KIF20B: variants seen among roughly 807,000 people sequenced by gnomAD.
KIF20B encodes kinesin family member 20B.
Under a neutral mutation model 232.5 loss-of-function variants are expected in KIF20B, and 188 were observed. The observed-to-expected ratio is 0.81, with a 90% CI of 0.72 to 0.91. The LOEUF (loss-of-function observed/expected upper bound fraction) is 0.91, where lower values mean the gene tolerates loss of function less well. KIF20B is among the 40% of genes least tolerant of loss of function. The pLI, the probability that KIF20B is intolerant of heterozygous loss-of-function variation, is 0.00. For missense variants in KIF20B, 2,154 were observed against 2,055.9 expected (o/e 1.05, Z -0.92); for synonymous variants, 712 against 683.0 (o/e 1.04, Z -0.66).
At chr10:89,767,948 A>C (rs1842396413) in intron 29 of KIF20B, among the ~76,000 whole-genome samples, 1 of 151,980 alleles carries the variant, frequency 6.6e-6, no homozygotes, top group African/African-American at 2.4e-5. Flanking sequence ...GATATGTTTG[A>C]AAAATTCACA....
chr10:89,709,370 A>C lies in KIF20B; in HGVS notation c.260A>C (p.Gln87Pro). 6.2e-7 allele frequency: 1 copy of C among 1,613,430 alleles called. No homozygotes were observed. The highest frequency in any genetic ancestry group is 8.5e-7 in the Non-Finnish European group (1 of 1,179,634). The change falls in exon 4 of 33, where the codon CAG becomes CCG. Residue 87 changes from glutamine to proline, a missense_variant. Physicochemically the swap from Gln to Pro is moderately conservative, Grantham distance 76. Coordinates refer to ENST00000371728, the MANE Select transcript of KIF20B (RefSeq NM_001284259.2). ...GGCTGTGTGCATATTCTGGATTCAC[A>C]GACTGTTGTGCTGAAAGAGCCTCAA... is the stretch of plus-strand genomic sequence containing the variant. Reference protein sequence around the residue: ...SEGCVHILDSQTVVLKEPQCI... With the variant: ...SEGCVHILDSPTVVLKEPQCI...
In KIF20B at chr10:89,745,884, T is replaced by C. The variant is rs1482317112; in HGVS notation, c.4036-15T>C. The C allele has an allele frequency of 6.5e-7, 1 of 1,532,418 alleles. No homozygotes were observed. The highest frequency in any genetic ancestry group is 1.4e-5 in the African/African-American group (1 of 73,310). 94.9% of individuals were successfully genotyped at this position (1,532,418 alleles called of 1,614,324 possible). On this transcript the variant is annotated splice_polypyrimidine_tract_variant and intron_variant, in intron 22 of 32. Transcript: ENST00000371728. ...AAGTTAATTTGCAATTAATTTATAT[T>C]CTTTCAATTTGTAGGAGCAGTTAAA...
At chr10:89,728,723 C>A (rs2133112927) in intron 17 of KIF20B, among the ~76,000 whole-genome samples, 1 of 151,952 alleles carries the variant, frequency 6.6e-6, no homozygotes, top group South Asian at 2.1e-4. Context: ...AGGCTGGTCT[C>A]AAACTCCTGA....
rs563803767 is a variant in KIF20B at position 89,774,792 on chromosome 10, G to C, written c.*744G>C. On this transcript the variant is annotated 3_prime_UTR_variant, in exon 33 of 33. Coordinates refer to ENST00000371728, the MANE Select transcript of KIF20B (RefSeq NM_001284259.2). ...GTAGATCATTCTTTTTATCTTATTT[G>C]TTTTTGTACCCATTAACCATCCCCA... 1 of 151,788 alleles carries C rather than the reference G, an allele frequency of 6.6e-6. No homozygotes were observed. Among genetic ancestry groups the C allele is most frequent in the Non-Finnish European group, 1.5e-5 (1 of 67,758 alleles). 9.4% of individuals were successfully genotyped at this position (151,788 alleles called of 1,614,324 possible).
chr10:89,739,584 T>C (rs184834393), intron 21 of KIF20B, among the ~76,000 whole-genome samples: 52 of 133,348 alleles, frequency 3.9e-4, no homozygotes, highest in Non-Finnish European at 6.7e-4. Context: ...TTTTCTGCAC[T>C]TCTCCCTCCT....
At chr10:89,724,165 T>G in intron 14 of KIF20B, 62 bp downstream of exon 14, 1 of 1,391,766 alleles carries the variant, frequency 7.2e-7, no homozygotes, top group Non-Finnish European at 9.4e-7. Flanking sequence ...TTTAGTTTTT[T>G]TTTTTACTTA....
At chr10:89,771,297 A>G (rs1437181499) in intron 31 of KIF20B, among the ~76,000 whole-genome samples, 1 of 135,136 alleles carries the variant, frequency 7.4e-6, no homozygotes, top group South Asian at 2.6e-4. Flanking sequence ...ACACTAGAAT[A>G]TAATCTGCAC....
At chr10:89,709,524 G>A (rs1191780753) in intron 4 of KIF20B, 63 bp downstream of exon 4, 2 of 1,063,754 alleles carry the variant, frequency 1.9e-6, no homozygotes, top group Non-Finnish European at 2.9e-6. Flanking sequence ...AGGCTAAATT[G>A]CTATATAATT....
chr10:89,746,132 G>A (rs1293142348), intron 23 of KIF20B, among the ~76,000 whole-genome samples, 173 bp downstream of exon 23: 1 of 152,344 alleles, frequency 6.6e-6, no homozygotes, highest in East Asian at 1.9e-4. Context: ...AGCATCTGGG[G>A]TTGAGTGTTT....
chr10:89,717,098 T>A lies in KIF20B; in HGVS notation c.1053-326T>A, dbSNP rs770262501. On this transcript the variant is annotated intron_variant, in intron 9 of 32. Coordinates refer to ENST00000371728, the MANE Select transcript of KIF20B (RefSeq NM_001284259.2). ...TTGCTTTAGGTATGTATTCAGAGTATTGGCTAGCTGTACATAATATCATTT... is the reference window on the plus strand; with the variant it reads ...TTGCTTTAGGTATGTATTCAGAGTAATGGCTAGCTGTACATAATATCATTT... 4.0e-4 allele frequency among the ~76,000 whole-genome samples: 61 copies of A among 152,210 alleles called. 1 individual carries two copies. Among genetic ancestry groups the A allele is most frequent in the Non-Finnish European group, 3.1e-4 (21 of 68,030 alleles).
At chr10:89,737,273 TTTAATTAG>T (rs1841678751) in intron 19 of KIF20B, 106 bp from the exon 20 acceptor site, 2 of 1,122,540 alleles carry the variant, frequency 1.8e-6, no homozygotes, top group Non-Finnish European at 2.3e-6. Context: ...ATTTTTTTTT[TTTAATTAG>T]AAGTTTACTT....
chr10:89,754,406 A>G, intron 25 of KIF20B, 112 bp from the exon 26 acceptor site: 1 of 540,404 alleles, frequency 1.9e-6, no homozygotes, highest in Non-Finnish European at 2.9e-6. Context: ...AAAGTGAAAC[A>G]TTAAAGTTTT....
intron 30 of KIF20B, 46 bp downstream of exon 30, chr10:89,768,437 C>T: frequency 8.8e-7 from 1 of 1,135,392 alleles, no homozygotes; most frequent in South Asian, 1.4e-5. Flanking sequence ...ATCCAGAAAT[C>T]CAGTTGTGTT....
At chr10:89,713,218 G>A (rs1262228098) in intron 6 of KIF20B, among the ~76,000 whole-genome samples, 1 of 151,918 alleles carries the variant, frequency 6.6e-6, no homozygotes, top group Non-Finnish European at 1.5e-5. Flanking sequence ...AAAATTAGCT[G>A]GGCATGGTGA....
intron 18 of KIF20B, 142 bp downstream of exon 18, chr10:89,729,389 A>C (rs2133114380): frequency 1.1e-6 from 1 of 882,796 alleles, no homozygotes; most frequent in Non-Finnish European, 1.6e-6. Flanking sequence ...AACTCAATTT[A>C]CTGTTTTCCA....
At chr10:89,750,099 A>T (rs917090404) in intron 23 of KIF20B, among the ~76,000 whole-genome samples, 5 of 152,146 alleles carry the variant, frequency 3.3e-5, no homozygotes, top group Non-Finnish European at 7.4e-5. Flanking sequence ...ACTGGAGTCA[A>T]TGACTGATTA....
At position 89,773,999 on chromosome 10, in the gene KIF20B, G is replaced by A; in HGVS notation, c.5414G>A (p.Ser1805Asn). Residue 1805 changes from serine (S) to asparagine (N), a missense_variant, in exon 33 of 33, where the codon AGT (serine) becomes AAT (asparagine). Ser to Asn is a conservative substitution (Grantham distance 46). Coordinates refer to ENST00000371728, the MANE Select transcript of KIF20B (RefSeq NM_001284259.2). ...VILMDQKMKE[S>N]DHQIIKRRLR... ...TTAATGGACCAGAAAATGAAGGAGA[G>A]TGATCACCAGATTATCAAACGACGA... The A allele has an allele frequency of 6.3e-7, 1 of 1,583,004 alleles. No individual in the cohort carries two copies. Among genetic ancestry groups the A allele is most frequent in the Non-Finnish European group, 8.6e-7 (1 of 1,162,414 alleles).
chr10:89,772,726 C>G lies in KIF20B; in HGVS notation c.5280C>G (p.Leu1760=), dbSNP rs766141671. The G allele has an allele frequency of 3.1e-6, 5 of 1,604,472 alleles. No homozygotes were observed. Among genetic ancestry groups the G allele is most frequent in the Non-Finnish European group, 4.3e-6 (5 of 1,173,242 alleles). Residue 1760 remains leucine, a synonymous_variant, in exon 32 of 33, where the codon CTC becomes CTG. Coordinates refer to ENST00000371728, the MANE Select transcript of KIF20B (RefSeq NM_001284259.2). ...KIIETMSSSK[L]SNVEASKENV... is the part of the protein sequence containing the mutation. ...TTGAAACAATGAGCTCTTCAAAGCT[C>G]TCAAATGTAGAAGCAAGTAAAGAAA...
At position 89,774,117 on chromosome 10, in the gene KIF20B, A is replaced by G; in HGVS notation, c.*69A>G. On this transcript the variant is annotated 3_prime_UTR_variant, in exon 33 of 33. Transcript: ENST00000371728. ...ATTGGAACTTGCATCCTGTATTGTA[A>G]ATATAAATGTATATATTATGCATTA... 1.1e-6 allele frequency: 1 copy of G among 922,394 alleles called. No homozygotes were observed. Among genetic ancestry groups the G allele is most frequent in the African/African-American group, 1.7e-5 (1 of 59,788 alleles). The allele number at this position is 922,394 out of a possible 1,614,324, so 57.1% of individuals were successfully genotyped here. A position where few individuals can be genotyped will look rare whatever the true frequency, so the allele number is the denominator to read the frequency against.
Sources: gnomAD v4.1 joint callset for allele counts (sites outside exome capture counted in the v4.1 genomes callset) on GRCh38, gnomAD v4.1.1 for gene constraint, MANE v1.5 for transcripts, NCBI Gene and HGNC (gene_info 2026-07-23, HGNC 2026-07-21) for gene names.